Variants in ZFYVE16 observed in about 807,000 individuals in gnomAD.
ZFYVE16 encodes the protein zinc finger FYVE domain-containing protein 16.
Under a neutral mutation model 138.1 loss-of-function variants are expected in ZFYVE16, and 89 were observed. That is an observed-to-expected ratio of 0.64 (90% CI 0.54 to 0.77). The LOEUF (loss-of-function observed/expected upper bound fraction) is 0.77. Among genes scored for constraint, ZFYVE16 ranks in the 30% least tolerant of loss-of-function variants. The pLI is 0.00. For missense variants in ZFYVE16, 1,793 were observed against 1,786.7 expected (o/e 1.00, Z -0.06); for synonymous variants, 596 against 618.3 (o/e 0.96, Z 0.53).
intron 1 of ZFYVE16, among the ~76,000 whole-genome samples, chr5:80,423,602 C>T (rs1747551553): frequency 1.3e-5 from 2 of 152,202 alleles, no homozygotes; most frequent in South Asian, 4.1e-4. Context: ...GTGGCAAGAT[C>T]TCAGCTCACT....
At position 80,439,993 on chromosome 5, in the gene ZFYVE16, G is replaced by A; in HGVS notation, c.2380G>A (p.Ala794Thr). 6.2e-7 allele frequency: 1 copy of A among 1,611,794 alleles called. No individual in the cohort carries two copies. The highest frequency in any genetic ancestry group is 8.5e-7 in the Non-Finnish European group (1 of 1,178,830). Reference sequence around the variant, plus strand: ...TAAACTGCAATATCTAGAAAAGGAAGCAAGAGTATGTGTAGTCTGCTATGA... The same window carrying A: ...TAAACTGCAATATCTAGAAAAGGAAACAAGAGTATGTGTAGTCTGCTATGA... ...KCKLQYLEKEARVCVVCYETI... is the reference protein window; with the variant it reads ...KCKLQYLEKETRVCVVCYETI... The change falls in exon 5 of 19, where the codon GCA (alanine) becomes ACA (threonine). Residue 794 changes from alanine (A) to threonine (T), a missense_variant. Transcript: ENST00000505560.
At chr5:80,408,995 T>TC (rs762163327) in intron 1 of ZFYVE16, among the ~76,000 whole-genome samples, 1 of 152,062 alleles carries the variant, frequency 6.6e-6, no homozygotes, top group Non-Finnish European at 1.5e-5. Flanking sequence ...TTCCTTTTTT[T>TC]CCTCTCCTGG....
intron 1 of ZFYVE16, among the ~76,000 whole-genome samples, chr5:80,413,451 A>T (rs1349982437): frequency 2.7e-5 from 4 of 148,300 alleles, no homozygotes; most frequent in Non-Finnish European, 4.5e-5. Context: ...AGCTTGGGCA[A>T]CAAGATCAAA....
rs376013497 is a variant in ZFYVE16 at position 80,451,698 on chromosome 5, C to G, written c.3596C>G (p.Ala1199Gly). The G allele has an allele frequency of 1.2e-6, 2 of 1,612,730 alleles. No homozygotes were observed. The highest frequency in any genetic ancestry group is 2.7e-5 in the African/African-American group (2 of 74,758). ...FPMRLMLRLG[A>G]EYKAYPAPLT... ...ATGCGTTTAATGTTGAGATTGGGTGCAGAATATAAAGGTAAGTTTTAGAGT... is the reference window on the plus strand; with the variant it reads ...ATGCGTTTAATGTTGAGATTGGGTGGAGAATATAAAGGTAAGTTTTAGAGT... The change falls in exon 11 of 19, where the codon GCA becomes GGA. Residue 1199 changes from alanine to glycine, a missense_variant. Transcript: ENST00000505560.
intron 1 of ZFYVE16, among the ~76,000 whole-genome samples, chr5:80,414,229 C>A (rs1370436595): frequency 1.3e-5 from 2 of 152,160 alleles, no homozygotes; most frequent in Admixed American, 6.5e-5. Flanking sequence ...ATACATCAGT[C>A]TCCTCTTAGT....
intron 9 of ZFYVE16, among the ~76,000 whole-genome samples, chr5:80,450,181 T>A (rs560888258): frequency 1.3e-5 from 2 of 152,304 alleles, no homozygotes; most frequent in East Asian, 3.9e-4. Context: ...TATTTGAAAC[T>A]AAATTCTTAT....
chr5:80,421,458 A>G (rs1260110795), intron 1 of ZFYVE16, among the ~76,000 whole-genome samples: 9 of 152,024 alleles, frequency 5.9e-5, no homozygotes, highest in Admixed American at 4.6e-4. Flanking sequence ...AGTCCATCTT[A>G]AATTAATTTT....
chr5:80,462,137 C>T (rs1753188033), intron 15 of ZFYVE16, among the ~76,000 whole-genome samples: 1 of 152,192 alleles, frequency 6.6e-6, no homozygotes, highest in African/African-American at 2.4e-5. Context: ...TCTGTCCATA[C>T]ATTTGGATTT....
At chr5:80,433,249 A>G (rs1055824918) in intron 2 of ZFYVE16, among the ~76,000 whole-genome samples, 5 of 152,210 alleles carry the variant, frequency 3.3e-5, no homozygotes, top group African/African-American at 1.2e-4. Flanking sequence ...ATGGAATACT[A>G]TGCAGCCATA....
chr5:80,431,370 C>A (rs1748993735), intron 2 of ZFYVE16, among the ~76,000 whole-genome samples: 1 of 152,154 alleles, frequency 6.6e-6, no homozygotes, highest in South Asian at 2.1e-4. Context: ...CAGAAAAGGC[C>A]TTTGACAAAA....
intron 1 of ZFYVE16, among the ~76,000 whole-genome samples, chr5:80,416,526 A>G (rs1746278481): frequency 6.7e-6 from 1 of 148,878 alleles, no homozygotes; most frequent in Admixed American, 6.8e-5. Flanking sequence ...AAGTGCTGGG[A>G]TTACAGGCGA....
At chr5:80,440,351 T>C (rs377166210) in intron 5 of ZFYVE16, 1 of 1,020,112 alleles carries the variant, frequency 9.8e-7, no homozygotes. Context: ...ATCATCTTAA[T>C]CTAAATAAAC....
chr5:80,425,595 C>T (rs1294664776), intron 1 of ZFYVE16, among the ~76,000 whole-genome samples: 2 of 151,980 alleles, frequency 1.3e-5, no homozygotes, highest in East Asian at 1.9e-4. Flanking sequence ...AAATATTTAC[C>T]ATAGGCAGTT....
intron 7 of ZFYVE16, 74 bp downstream of exon 7, chr5:80,445,479 A>T: frequency 1.6e-6 from 2 of 1,284,482 alleles, no homozygotes; most frequent in Non-Finnish European, 2.1e-6. Context: ...TGTGATTATT[A>T]GAGTGCTTTT....
intron 7 of ZFYVE16, among the ~76,000 whole-genome samples, chr5:80,446,479 A>G (rs868644990): frequency 1.3e-5 from 2 of 152,094 alleles, no homozygotes; most frequent in African/African-American, 4.8e-5. Context: ...ATTTTTGCCA[A>G]TTTCTTTAAT....
Position 80,477,534 on chromosome 5 carries a change from T to G in ZFYVE16, c.*157T>G. 1.8e-6 allele frequency: 1 copy of G among 547,278 alleles called. No individual in the cohort carries two copies. The highest frequency in any genetic ancestry group is 2.8e-6 in the Non-Finnish European group (1 of 350,986). The allele number at this position is 547,278 out of a possible 1,614,324, so 33.9% of individuals were successfully genotyped here. On this transcript the variant is annotated 3_prime_UTR_variant, in exon 19 of 19. Transcript: ENST00000505560. The stretch of plus-strand genomic sequence containing the variant: ...GGCAGGAATGATCTTTTCAAATCAT[T>G]AGCACAATATTTAAATATCTAAAAA...
At chr5:80,429,196 A>T (rs1380944393) in intron 2 of ZFYVE16, among the ~76,000 whole-genome samples, 1 of 152,226 alleles carries the variant, frequency 6.6e-6, no homozygotes, top group African/African-American at 2.4e-5. Context: ...TGTTAAGGGC[A>T]GCCAGAGAGA....
intron 15 of ZFYVE16, among the ~76,000 whole-genome samples, chr5:80,460,167 C>T (rs1469038769): frequency 1.3e-5 from 2 of 152,076 alleles, no homozygotes; most frequent in Admixed American, 6.6e-5. Context: ...TATCAGACTG[C>T]TTAATTTGTG....
chr5:80,419,012 A>C (rs1746671138), intron 1 of ZFYVE16, among the ~76,000 whole-genome samples: 2 of 150,170 alleles, frequency 1.3e-5, no homozygotes, highest in African/African-American at 4.9e-5. Flanking sequence ...TATTGAAAAG[A>C]CTGTCCATTC....
Sources: gnomAD v4.1 joint callset for allele counts (sites outside exome capture counted in the v4.1 genomes callset) on GRCh38, gnomAD v4.1.1 for gene constraint, MANE v1.5 for transcripts, NCBI Gene and HGNC (gene_info 2026-07-23, HGNC 2026-07-21) for gene names.